Variants in MEIS2 observed in about 807,000 individuals in gnomAD.
MEIS2 encodes the protein homeobox protein Meis2.
A neutral mutation model predicts 58.6 loss-of-function variants in MEIS2; 9 were observed. The observed-to-expected ratio is 0.15, with a 90% confidence interval of 0.09 to 0.27. The LOEUF (loss-of-function observed/expected upper bound fraction) is 0.27. Ranked by LOEUF, MEIS2 falls within the 10% of genes least tolerant of loss-of-function variation. The pLI, the probability that MEIS2 is intolerant of heterozygous loss-of-function variation, is 1.00. For missense variants in MEIS2, 427 were observed against 635.0 expected (o/e 0.67, Z 3.52); for synonymous variants, 221 against 228.4 (o/e 0.97, Z 0.29).
At chr15:37,087,128 G>A (rs1470633760) in intron 6 of MEIS2, among the ~76,000 whole-genome samples, 2 of 152,070 alleles carry the variant, frequency 1.3e-5, no homozygotes, top group Admixed American at 6.6e-5. Flanking sequence ...AACGCTCGCC[G>A]GGTGCCCGTG....
intron 8 of MEIS2, among the ~76,000 whole-genome samples, chr15:36,970,483 G>A (rs899430926): frequency 2.6e-5 from 4 of 151,866 alleles, no homozygotes; most frequent in Non-Finnish European, 2.9e-5. Context: ...ATTAAAGAGC[G>A]CCAATATTTG....
intron 9 of MEIS2, among the ~76,000 whole-genome samples, chr15:36,949,533 A>G (rs989820883): frequency 6.6e-6 from 1 of 152,054 alleles, no homozygotes; most frequent in Non-Finnish European, 1.5e-5. Context: ...CCATGTAATT[A>G]AGTTTGTATA....
At chr15:36,914,907 G>A (rs11073213) in intron 9 of MEIS2, among the ~76,000 whole-genome samples, 98,695 of 151,938 alleles carry the variant, frequency 0.65, 32,280 homozygotes, top group Admixed American at 0.72. Context: ...AAGTCAACAC[G>A]TGTTGTTATA....
rs1177945918 is a variant in MEIS2, at chr15:37,093,704, G to A, written c.516C>T (p.Cys172=). The change falls in exon 6 of 12, where the codon TGC becomes TGT. Residue 172 remains cysteine, a synonymous_variant. Transcript: ENST00000561208. The part of the protein sequence containing the change: ...EKVHELCDNF[C]HRYISCLKGK... Reference sequence around the variant, plus strand: ...CCTTCAAACAGCTAATGTATCGGTGGCAGAAGTTATCGCACAGTTCGTGGA... The same window carrying A: ...CCTTCAAACAGCTAATGTATCGGTGACAGAAGTTATCGCACAGTTCGTGGA... 1 of 1,614,190 alleles carries A rather than the reference G, an allele frequency of 6.2e-7. No homozygotes were observed. Among genetic ancestry groups the A allele is most frequent in the Non-Finnish European group, 8.5e-7 (1 of 1,180,024 alleles).
intron 8 of MEIS2, among the ~76,000 whole-genome samples, chr15:37,016,603 G>A (rs980857719): frequency 6.6e-6 from 1 of 152,116 alleles, no homozygotes; most frequent in Non-Finnish European, 1.5e-5. Flanking sequence ...AGAGAGTAGA[G>A]TACCCTGGGA....
rs1050288240 is a variant in MEIS2 at position 36,961,399 on chromosome 15, C to T, written c.901-10999G>A. On this transcript the variant is annotated intron_variant, in intron 8 of 11. Coordinates refer to ENST00000561208, the MANE Select transcript of MEIS2 (RefSeq NM_170675.5). ...TGGATATCTACGGACTAAACATTCACTCGTTCAAGACAAAAGTGATTAAAT... is the reference window on the plus strand; with the variant it reads ...TGGATATCTACGGACTAAACATTCATTCGTTCAAGACAAAAGTGATTAAAT... Among the ~76,000 whole-genome samples the T allele has an allele frequency of 5.9e-5, 9 of 152,028 alleles. No homozygotes were observed. The South Asian group carries it at 1.0e-3, about 18-fold the overall frequency.
At chr15:36,960,408 T>C (rs2059141531) in intron 8 of MEIS2, among the ~76,000 whole-genome samples, 1 of 152,136 alleles carries the variant, frequency 6.6e-6, no homozygotes, top group Non-Finnish European at 1.5e-5. Flanking sequence ...TAATGACTTC[T>C]TGTGATAGAC....
At position 36,909,363 on chromosome 15, in the gene MEIS2, T is replaced by C. The variant is rs544231700; in HGVS notation, c.978-12677A>G. ...TATTATTGACACTGCGTCAGGAATA[T>C]AGTACACCCTCAATAAAATGTTTGT... On this transcript the variant is annotated intron_variant, in intron 9 of 11. Transcript: ENST00000561208. Among the ~76,000 whole-genome samples, 20 of 152,234 alleles carry C rather than the reference T, an allele frequency of 1.3e-4. 1 individual carries two copies. In the South Asian group the frequency reaches 3.9e-3, roughly 30 times the overall value.
intron 6 of MEIS2, among the ~76,000 whole-genome samples, chr15:37,091,184 G>C (rs1051974063): frequency 2.0e-5 from 3 of 152,162 alleles, no homozygotes; most frequent in African/African-American, 7.2e-5. Flanking sequence ...CTTTGTAGAA[G>C]AGGCTGAAAA....
chr15:36,985,554 C>T (rs1434315924), intron 8 of MEIS2, among the ~76,000 whole-genome samples: 1 of 152,110 alleles, frequency 6.6e-6, no homozygotes, highest in African/African-American at 2.4e-5. Flanking sequence ...TTAGATGTAG[C>T]ACTTAGAAAA....
chr15:37,060,242 T>G (rs1889029667), intron 7 of MEIS2, among the ~76,000 whole-genome samples: 1 of 152,150 alleles, frequency 6.6e-6, no homozygotes, highest in Non-Finnish European at 1.5e-5. Context: ...CTCTAAGAGT[T>G]ACATTTTTCA....
rs1567210756 is a variant in MEIS2 at position 37,036,794 on chromosome 15, T to TC, written c.900+19dup. The TC allele has an allele frequency of 2.5e-6, 4 of 1,602,382 alleles. No individual in the cohort carries two copies. Among genetic ancestry groups the TC allele is most frequent in the East Asian group, 2.2e-5 (1 of 44,790 alleles). On this transcript the variant is annotated intron_variant, in intron 8 of 11. Coordinates refer to ENST00000561208, the MANE Select transcript of MEIS2 (RefSeq NM_170675.5). ...AAAACAACAAAAACTATTTTTTTTT[T>TC]CTCTTTCATCTTGACTTACTGTGAG...
At chr15:36,913,229 G>A (rs530664006) in intron 9 of MEIS2, among the ~76,000 whole-genome samples, 1 of 152,268 alleles carries the variant, frequency 6.6e-6, no homozygotes, top group African/African-American at 2.4e-5. Context: ...CTCAATAAAT[G>A]TTAGCTATGT....
chr15:37,019,601 A>G (rs1187855849), intron 8 of MEIS2, among the ~76,000 whole-genome samples: 1 of 152,218 alleles, frequency 6.6e-6, no homozygotes, highest in Non-Finnish European at 1.5e-5. Context: ...GGATAAATTT[A>G]GAGCCCCAAA....
chr15:37,051,667 C>T (rs1246690414), intron 7 of MEIS2, among the ~76,000 whole-genome samples: 1 of 152,116 alleles, frequency 6.6e-6, no homozygotes, highest in Non-Finnish European at 1.5e-5. Flanking sequence ...ACAGTTAAAT[C>T]ATCAAAAACC....
At chr15:36,978,019 A>ATAAC (rs2059815191) in intron 8 of MEIS2, among the ~76,000 whole-genome samples, 1 of 152,254 alleles carries the variant, frequency 6.6e-6, no homozygotes, top group African/African-American at 2.4e-5. Flanking sequence ...CTACAAGGAC[A>ATAAC]TAACTTTAAC....
intron 9 of MEIS2, among the ~76,000 whole-genome samples, chr15:36,922,352 G>A (rs1299126830): frequency 6.6e-6 from 1 of 152,160 alleles, no homozygotes; most frequent in Non-Finnish European, 1.5e-5. Flanking sequence ...ACTGTAAAGG[G>A]CTATAAAATA....
Position 37,099,791 on chromosome 15 carries a change from T to G in MEIS2, c.-325A>C. 4 of 273,586 alleles carry G rather than the reference T, an allele frequency of 1.5e-5. No individual in the cohort carries two copies. The highest frequency in any genetic ancestry group is 5.5e-5 in the Admixed American group (1 of 18,268). The allele number at this position is 273,586 out of a possible 1,614,324, so 16.9% of individuals were successfully genotyped here. On this transcript the variant is annotated 5_prime_UTR_variant, in exon 1 of 12. Coordinates refer to ENST00000561208, the MANE Select transcript of MEIS2 (RefSeq NM_170675.5). The stretch of plus-strand genomic sequence containing the variant: ...CTCCTTTCCCCCTCTTTCTCTTCTC[T>G]TCCCCTCAGTTGGAAAAAAAAAGAA...
intron 9 of MEIS2, among the ~76,000 whole-genome samples, chr15:36,936,122 G>A (rs2058160188): frequency 6.6e-6 from 1 of 151,850 alleles, no homozygotes; most frequent in Non-Finnish European, 1.5e-5. Context: ...CAGGCACTAT[G>A]GCAGGCACCC....
Sources: gnomAD v4.1 joint callset for allele counts (sites outside exome capture counted in the v4.1 genomes callset) on GRCh38, gnomAD v4.1.1 for gene constraint, MANE v1.5 for transcripts, NCBI Gene and HGNC (gene_info 2026-07-23, HGNC 2026-07-21) for gene names.